Variants in CRIM1 observed in about 807,000 individuals in gnomAD.
The protein encoded by CRIM1 is cysteine rich transmembrane BMP regulator 1, also known as cysteine-rich motor neuron 1 protein.
A neutral mutation model predicts 116.4 loss-of-function variants in CRIM1; 32 were observed. That is an observed-to-expected ratio of 0.27 (90% CI 0.21 to 0.37). CRIM1 has a LOEUF of 0.37. Ranked by LOEUF, CRIM1 falls within the 10% of genes least tolerant of loss-of-function variation. The probability of loss-of-function intolerance (pLI) is 1.00; values close to 1 mark genes in which losing one functional copy is unlikely to be tolerated. For missense variants in CRIM1, 1,331 were observed against 1,354.8 expected, an observed-to-expected ratio of 0.98 and a Z score of 0.28; for synonymous variants, 590 against 509.2, an observed-to-expected ratio of 1.16 and a Z score of -2.13.
intron 13 of CRIM1, among the ~76,000 whole-genome samples, chr2:36,528,141 C>T (rs1411670210): frequency 6.6e-6 from 1 of 152,180 alleles, no homozygotes; most frequent in African/African-American, 2.4e-5. Flanking sequence ...TTGCTGCTCT[C>T]GTAACACAGA....
At chr2:36,445,529 A>C (rs4670559) in intron 4 of CRIM1, among the ~76,000 whole-genome samples, 1 of 152,230 alleles carries the variant, frequency 6.6e-6, no homozygotes. Flanking sequence ...TTGTTACTGA[A>C]TTGTCGAATG....
At position 36,464,636 on chromosome 2, in the gene CRIM1, T is replaced by A. The variant is rs139280427; in HGVS notation, c.972T>A (p.Asp324Glu). The change falls in exon 5 of 17, where the codon GAT (aspartate) becomes GAA (glutamate). Residue 324 changes from aspartate to glutamate, a missense_variant. By Grantham distance (45) the Asp-to-Glu change is conservative. Transcript: ENST00000280527. ...ATGGGACACCTGGAAAGTGCTGTGA[T>A]GTCTTTGAATGTGTTAATGGTACGT... ...RGDGTPGKCC[D>E]VFECVNDTKP... The A allele has an allele frequency of 1.2e-6, 2 of 1,614,020 alleles. No individual in the cohort carries two copies. Among genetic ancestry groups the A allele is most frequent in the African/African-American group, 2.7e-5 (2 of 74,924 alleles).
At chr2:36,491,261 G>A (rs1160955924) in intron 7 of CRIM1, among the ~76,000 whole-genome samples, 2 of 152,114 alleles carry the variant, frequency 1.3e-5, no homozygotes, top group East Asian at 1.9e-4. Flanking sequence ...TCATATGATC[G>A]TATTTTAACC....
intron 5 of CRIM1, among the ~76,000 whole-genome samples, chr2:36,466,828 T>C (rs1246962875): frequency 1.3e-5 from 2 of 152,236 alleles, no homozygotes; most frequent in Non-Finnish European, 2.9e-5. Context: ...TACACTTTAA[T>C]CTTAAGTCAT....
Position 36,441,479 on chromosome 2 carries a change from G to A in CRIM1, c.727G>A (p.Asp243Asn). ...CTCAGGGAAGCCGGGAGAGTGCTGT[G>A]ACCTCTATGAGTGCAAACCAGGTAT... ...KASGKPGECC[D>N]LYECKPVFGV... is the part of the protein sequence containing the mutation. The change falls in exon 3 of 17, where the codon GAC becomes AAC. Residue 243 changes from aspartate to asparagine, a missense_variant. Transcript: ENST00000280527. 2 of 1,611,770 alleles carry A rather than the reference G, an allele frequency of 1.2e-6. No individual in the cohort carries two copies. The highest frequency in any genetic ancestry group is 1.7e-6 in the Non-Finnish European group (2 of 1,180,014).
intron 13 of CRIM1, chr2:36,531,657 A>G (rs1286900962): frequency 1.2e-5 from 3 of 255,346 alleles, no homozygotes; most frequent in Non-Finnish European, 2.3e-5. Context: ...GAGGTAAGAT[A>G]ATGAAGTTTA....
At chr2:36,364,141 C>T (rs1490116402) in intron 1 of CRIM1, among the ~76,000 whole-genome samples, 1 of 152,150 alleles carries the variant, frequency 6.6e-6, no homozygotes, top group Non-Finnish European at 1.5e-5. Flanking sequence ...GCACACAAAT[C>T]ACCTAGGTAT....
intron 7 of CRIM1, among the ~76,000 whole-genome samples, chr2:36,486,206 T>C (rs952627290): frequency 6.6e-6 from 1 of 152,228 alleles, no homozygotes; most frequent in East Asian, 1.9e-4. Context: ...TATAGAAATA[T>C]GTACATTATA....
chr2:36,546,763 ATTTTTTT>A (rs775086985), intron 15 of CRIM1, among the ~76,000 whole-genome samples: 29 of 101,850 alleles, frequency 2.8e-4, no homozygotes, highest in African/African-American at 9.2e-4. Context: ...TCTCACTCTG[ATTTTTTT>A]TTTTTTTTTT....
chr2:36,450,490 G>C (rs765955092), intron 4 of CRIM1, among the ~76,000 whole-genome samples: 7 of 152,144 alleles, frequency 4.6e-5, no homozygotes, highest in Non-Finnish European at 1.0e-4. Flanking sequence ...CTAACTTTAT[G>C]ATTGGACCAT....
chr2:36,478,653 A>T (rs905392671), intron 6 of CRIM1, among the ~76,000 whole-genome samples: 2 of 152,174 alleles, frequency 1.3e-5, no homozygotes, highest in Admixed American at 6.5e-5. Context: ...TCCTTAGAAT[A>T]ATGATGACCA....
chr2:36,380,268 C>G (rs905119602), intron 1 of CRIM1, among the ~76,000 whole-genome samples: 3 of 152,196 alleles, frequency 2.0e-5, no homozygotes, highest in African/African-American at 7.2e-5. Context: ...AGCTCAAGCT[C>G]CTTATTCTTT....
rs139571197 is a variant in CRIM1 at position 36,460,792 on chromosome 2, G to A, written c.870-3742G>A. ...AGGTACTAGAAGAGCTTATGTTAAGGTGAGTCCTCAAGTTACCACAAAATA... is the reference window on the plus strand; with the variant it reads ...AGGTACTAGAAGAGCTTATGTTAAGATGAGTCCTCAAGTTACCACAAAATA... On this transcript the variant is annotated intron_variant, in intron 4 of 16. Transcript: ENST00000280527. 6.4e-3 allele frequency among the ~76,000 whole-genome samples: 971 copies of A among 152,272 alleles called. 2 individuals carry two copies. The highest frequency in any genetic ancestry group is 0.01 in the Non-Finnish European group (689 of 68,024).
chr2:36,387,807 C>G (rs889241362), intron 1 of CRIM1, among the ~76,000 whole-genome samples: 11 of 152,180 alleles, frequency 7.2e-5, no homozygotes, highest in Non-Finnish European at 2.9e-5. Context: ...TATAAGATGT[C>G]TTAATAATCT....
intron 2 of CRIM1, among the ~76,000 whole-genome samples, chr2:36,407,020 A>G (rs542556132): frequency 2.0e-5 from 3 of 152,314 alleles, no homozygotes; most frequent in African/African-American, 7.2e-5. Context: ...AAACACGTTT[A>G]ACCTCACCTT....
At chr2:36,465,929 A>G (rs2125011301) in intron 5 of CRIM1, among the ~76,000 whole-genome samples, 1 of 150,090 alleles carries the variant, frequency 6.7e-6, no homozygotes, top group South Asian at 2.1e-4. Flanking sequence ...CCTGTCGCCC[A>G]GGCTGGAGTG....
At chr2:36,533,425 C>CAAAAAAA (rs35978594) in intron 13 of CRIM1, among the ~76,000 whole-genome samples, 4 of 99,376 alleles carry the variant, frequency 4.0e-5, no homozygotes, top group African/African-American at 1.1e-4. Flanking sequence ...CCCATCTCCA[C>CAAAAAAA]AAAAAAAAAA....
At chr2:36,480,541 A>G (rs1182203256) in intron 7 of CRIM1, among the ~76,000 whole-genome samples, 1 of 152,202 alleles carries the variant, frequency 6.6e-6, no homozygotes, top group Non-Finnish European at 1.5e-5. Context: ...AGATATTGAA[A>G]AATGGACTTA....
intron 1 of CRIM1, among the ~76,000 whole-genome samples, chr2:36,384,652 C>T (rs1343326430): frequency 6.6e-6 from 1 of 152,144 alleles, no homozygotes; most frequent in Non-Finnish European, 1.5e-5. Flanking sequence ...TATTCATATG[C>T]ATTTCTTGAC....
Sources: gnomAD v4.1 joint callset for allele counts (sites outside exome capture counted in the v4.1 genomes callset) on GRCh38, gnomAD v4.1.1 for gene constraint, MANE v1.5 for transcripts, NCBI Gene and HGNC (gene_info 2026-07-23, HGNC 2026-07-21) for gene names.